The following PTPN12 variants were observed in gnomAD, a reference collection of about 807,000 sequenced individuals.
The protein encoded by PTPN12 is protein tyrosine phosphatase non-receptor type 12, also known as tyrosine-protein phosphatase non-receptor type 12.
A neutral mutation model predicts 97.6 loss-of-function variants in PTPN12; 29 were observed. The ratio of observed to expected loss-of-function variants is 0.30; its 90% CI spans 0.22 to 0.41. The LOEUF (loss-of-function observed/expected upper bound fraction) is 0.41, where lower values mean the gene tolerates loss of function less well. PTPN12 is among the 10% of genes least tolerant of loss of function. The pLI is 1.00. For synonymous variants in PTPN12, 327 were observed against 300.4 expected (o/e 1.09, Z -0.91); for missense variants, 819 against 926.0 (o/e 0.88, Z 1.50).
At chr7:77,625,472 G>GCTCGCGCGCGCT in intron 12 of PTPN12, among the ~76,000 whole-genome samples, 1,117 of 33,512 alleles carry the variant, frequency 0.033, 222 homozygotes, top group Admixed American at 0.06. Flanking sequence ...CAGGCTGCTC[G>GCTCGCGCGCGCT]CTCTCTCTCT....
intron 1 of PTPN12, chr7:77,538,165 G>A (rs1443024549): frequency 1.5e-5 from 14 of 931,782 alleles, no homozygotes; most frequent in Non-Finnish European, 1.8e-5. Context: ...GGCAGGGTAG[G>A]ACTTAGGCCG....
At chr7:77,569,025 G>C (rs965663925) in intron 1 of PTPN12, among the ~76,000 whole-genome samples, 1 of 152,032 alleles carries the variant, frequency 6.6e-6, no homozygotes, top group Admixed American at 6.6e-5. Context: ...CTTTTCTACT[G>C]TCCTTTTTTA....
At chr7:77,574,997 A>G (rs1274498951) in intron 2 of PTPN12, among the ~76,000 whole-genome samples, 1 of 151,698 alleles carries the variant, frequency 6.6e-6, no homozygotes, top group African/African-American at 2.4e-5. Flanking sequence ...ATGCCCAGCT[A>G]ATTTTTTGGT....
intron 6 of PTPN12, chr7:77,592,495 A>T (rs942257299): frequency 2.7e-6 from 1 of 375,654 alleles, no homozygotes; most frequent in Non-Finnish European, 4.7e-6. Context: ...TAGTCTTTGT[A>T]TATCAATTGA....
Position 77,537,481 on chromosome 7 carries a change from C to A in PTPN12, c.-66C>A. 6 of 944,650 alleles carry A rather than the reference C, an allele frequency of 6.4e-6. No individual in the cohort carries two copies. The highest frequency in any genetic ancestry group is 6.9e-6 in the Non-Finnish European group (5 of 720,874). 58.5% of individuals were successfully genotyped at this position (944,650 alleles called of 1,614,324 possible). ...GGGGAACGAGCTGGGGAAGACGGAGCGGGCTCTGTGCCGGGCGGGCGGGCG... is the reference window on the plus strand; with the variant it reads ...GGGGAACGAGCTGGGGAAGACGGAGAGGGCTCTGTGCCGGGCGGGCGGGCG... On this transcript the variant is annotated 5_prime_UTR_variant, in exon 1 of 18. Transcript: ENST00000248594.
intron 1 of PTPN12, among the ~76,000 whole-genome samples, chr7:77,544,510 T>G (rs937303397): frequency 1.2e-4 from 19 of 152,250 alleles, no homozygotes; most frequent in African/African-American, 4.3e-4. Context: ...ATGTTTTACT[T>G]TATTTACTTT....
intron 1 of PTPN12, among the ~76,000 whole-genome samples, chr7:77,565,083 T>G (rs983381490): frequency 2.0e-5 from 3 of 152,142 alleles, no homozygotes; most frequent in Non-Finnish European, 4.4e-5. Context: ...TTAAGTGTTA[T>G]AACATTGAGG....
rs191727479 is a variant in PTPN12, at chr7:77,561,057, T to C, written c.100-10021T>C. ...GTTTCTCCATATCCTTGCCAATACCTGTTATTCTGGCTTGTTTTGTTTTGT... is the reference window on the plus strand; with the variant it reads ...GTTTCTCCATATCCTTGCCAATACCCGTTATTCTGGCTTGTTTTGTTTTGT... On this transcript the variant is annotated intron_variant, in intron 1 of 17. Coordinates refer to ENST00000248594, the MANE Select transcript of PTPN12 (RefSeq NM_002835.4). Among the ~76,000 whole-genome samples the C allele has an allele frequency of 2.9e-3, 444 of 152,318 alleles. 5 individuals are homozygous for C. Among genetic ancestry groups the C allele is most frequent in the African/African-American group, 0.01 (434 of 41,572 alleles).
intron 16 of PTPN12, 152 bp from the exon 17 acceptor site, chr7:77,638,472 G>C: frequency 1.7e-6 from 2 of 1,207,128 alleles, no homozygotes; most frequent in Non-Finnish European, 2.1e-6. Flanking sequence ...CACTACACTT[G>C]TATTTATATT....
At chr7:77,630,796 G>GC (rs1776628373) in intron 13 of PTPN12, among the ~76,000 whole-genome samples, 1 of 152,110 alleles carries the variant, frequency 6.6e-6, no homozygotes, top group Non-Finnish European at 1.5e-5. Flanking sequence ...ACTACAGAAG[G>GC]CCCCATACAG....
intron 1 of PTPN12, among the ~76,000 whole-genome samples, chr7:77,541,469 C>G (rs1375407089): frequency 6.6e-6 from 1 of 152,162 alleles, no homozygotes; most frequent in Non-Finnish European, 1.5e-5. Flanking sequence ...TCTGCTGTTA[C>G]ATATAGTAAT....
At chr7:77,594,709 G>T (rs983705899) in intron 6 of PTPN12, among the ~76,000 whole-genome samples, 3 of 152,062 alleles carry the variant, frequency 2.0e-5, no homozygotes, top group African/African-American at 7.2e-5. Context: ...TCCCTGTGTT[G>T]CCCAGGCTGA....
rs929200748 is a variant in PTPN12, at chr7:77,537,654, C to T, written c.99+9C>T. 15 of 1,583,164 alleles carry T rather than the reference C, an allele frequency of 9.5e-6. No individual in the cohort carries two copies. The highest frequency in any genetic ancestry group is 1.8e-5 in the Admixed American group (1 of 56,434). ...TCGCCCGGGACTTCATGGTGAGTCT[C>T]TCCCCTCGCTGTCGCGTTTTCTTGC... On this transcript the variant is annotated intron_variant, in intron 1 of 17. Coordinates refer to ENST00000248594, the MANE Select transcript of PTPN12 (RefSeq NM_002835.4).
intron 12 of PTPN12, among the ~76,000 whole-genome samples, chr7:77,620,681 G>A (rs903003685): frequency 3.9e-5 from 6 of 152,232 alleles, no homozygotes; most frequent in African/African-American, 1.4e-4. Context: ...CAGGCGTGGT[G>A]GCTCACGCCT....
chr7:77,539,057 T>C (rs985256031), intron 1 of PTPN12, among the ~76,000 whole-genome samples: 1 of 152,198 alleles, frequency 6.6e-6, no homozygotes, highest in Non-Finnish European at 1.5e-5. Context: ...ATTGGCTAGT[T>C]TTTATTTTTT....
chr7:77,600,864 G>A (rs1257861168), intron 8 of PTPN12, 58 bp downstream of exon 8: 1 of 1,388,548 alleles, frequency 7.2e-7, no homozygotes, highest in Non-Finnish European at 9.8e-7. Context: ...GTTACACAAG[G>A]TTTTATTTCT....
Position 77,537,461 on chromosome 7 carries a change from A to G in PTPN12, c.-86A>G. 1.5e-6 allele frequency: 2 copies of G among 1,310,886 alleles called. No individual in the cohort carries two copies. Among genetic ancestry groups the G allele is most frequent in the Non-Finnish European group, 2.0e-6 (2 of 1,012,220 alleles). The allele number at this position is 1,310,886 out of a possible 1,614,324, so 81.2% of individuals were successfully genotyped here. On this transcript the variant is annotated 5_prime_UTR_variant, in exon 1 of 18. Coordinates refer to ENST00000248594, the MANE Select transcript of PTPN12 (RefSeq NM_002835.4). ...CGGGAGGGAGGGACGTGCTGGGGGA[A>G]CGAGCTGGGGAAGACGGAGCGGGCT...
At chr7:77,538,283 T>G (rs573014157) in intron 1 of PTPN12, among the ~76,000 whole-genome samples, 1 of 152,256 alleles carries the variant, frequency 6.6e-6, no homozygotes, top group African/African-American at 2.4e-5. Flanking sequence ...TCTCCTCTCC[T>G]GAGGCCCAGG....
rs2151416652 is a variant in PTPN12 at position 77,639,300 on chromosome 7, C to T, written c.*20C>T. The T allele has an allele frequency of 6.3e-7, 1 of 1,597,764 alleles. No individual in the cohort carries two copies. The highest frequency in any genetic ancestry group is 1.1e-5 in the South Asian group (1 of 89,890). ...ACATGATTCAGGGAGCTAGAAGACACTTTAAGTTATACTGGAAAATTCAGG... is the reference window on the plus strand; with the variant it reads ...ACATGATTCAGGGAGCTAGAAGACATTTTAAGTTATACTGGAAAATTCAGG... On this transcript the variant is annotated 3_prime_UTR_variant, in exon 18 of 18. Transcript: ENST00000248594.
Sources: allele counts gnomAD v4.1 joint callset (sites outside exome capture counted in the v4.1 genomes callset), GRCh38; gene constraint gnomAD v4.1.1; transcripts MANE v1.5; gene names NCBI Gene and HGNC (gene_info 2026-07-23, HGNC 2026-07-21).